Variants in SPAG4 observed in about 807,000 individuals in gnomAD.
The protein encoded by SPAG4 is sperm associated antigen 4.
SPAG4 carries 54 observed loss-of-function variants against 53.9 expected under a neutral mutation model. That is an observed-to-expected ratio of 1.00 (90% confidence interval 0.80 to 1.26). The LOEUF (loss-of-function observed/expected upper bound fraction) is 1.26. SPAG4 is among the 50% of genes most tolerant of loss of function. The pLI is 0.00. For synonymous variants in SPAG4, 246 were observed against 237.4 expected (o/e 1.04, Z -0.33); for missense variants, 548 against 568.6 (o/e 0.96, Z 0.37).
chr20:35,618,954 A>AT lies in SPAG4; in HGVS notation c.750dup (p.Glu251Ter), dbSNP rs1293177142. 6.2e-7 allele frequency: 1 copy of AT among 1,614,196 alleles called. No homozygotes were observed. The highest frequency in any genetic ancestry group is 8.5e-7 in the Non-Finnish European group (1 of 1,180,020). ...GCCAAGCTCGTGTTCCAGAGGCTGA[A>AT]TGAGGATTTTGTGCGGAAGCCCGAC... On this transcript the variant is annotated frameshift_variant, in exon 8 of 12. Transcript: ENST00000374273. LOFTEE classifies it high-confidence loss of function.
Position 35,619,175 on chromosome 20 carries a change from G to T in SPAG4, c.794-20G>T. Reference sequence around the variant, plus strand: ...CGGCAAGGCCTGGGAGCCTCTGAGGGTTACTTCTCACTGTTCCAGGAGCCT... The same window carrying T: ...CGGCAAGGCCTGGGAGCCTCTGAGGTTTACTTCTCACTGTTCCAGGAGCCT... On this transcript the variant is annotated intron_variant, in intron 8 of 11. Transcript: ENST00000374273. The T allele has an allele frequency of 1.9e-6, 3 of 1,596,886 alleles. No homozygotes were observed. In the South Asian group the frequency reaches 3.3e-5, roughly 18 times the overall value.
chr20:35,615,858 G>A lies in SPAG4; in HGVS notation c.-146G>A. On this transcript the variant is annotated 5_prime_UTR_variant, in exon 1 of 12. Transcript: ENST00000374273. ...CGTCAGCAGCCGGCCGGGACACAGCGGGAGGGCAGGTGCGGCCGCGGGGCC... is the reference window on the plus strand; with the variant it reads ...CGTCAGCAGCCGGCCGGGACACAGCAGGAGGGCAGGTGCGGCCGCGGGGCC... The A allele has an allele frequency of 1.5e-6, 1 of 677,726 alleles. No individual in the cohort carries two copies. The highest frequency in any genetic ancestry group is 2.4e-6 in the Non-Finnish European group (1 of 424,380). 42.0% of individuals were successfully genotyped at this position (677,726 alleles called of 1,614,324 possible).
chr20:35,618,613 G>GAGT lies in SPAG4; in HGVS notation c.612_614dup (p.Glu204_Tyr205insTer), dbSNP rs746167611. On this transcript the variant is annotated stop_gained and inframe_insertion and splice_region_variant, in exon 7 of 12. Coordinates refer to ENST00000374273, the MANE Select transcript of SPAG4 (RefSeq NM_003116.3). LOFTEE classifies it high-confidence loss of function. ...ACGGCGCCCACCTCCCACCTCCAGTGAGTACCACGAGCGCGTGCGCTCCCA... is the reference window on the plus strand; with the variant it reads ...ACGGCGCCCACCTCCCACCTCCAGTGAGTAGTACCACGAGCGCGTGCGCTCCCA... 3.1e-6 allele frequency: 5 copies of GAGT among 1,599,534 alleles called. No homozygotes were observed. Among genetic ancestry groups the GAGT allele is most frequent in the Middle Eastern group, 1.7e-4 (1 of 5,730 alleles).
At chr20:35,619,537 G>C (rs766160956) in intron 9 of SPAG4, 42 bp from the exon 10 acceptor site, 3 of 1,595,876 alleles carry the variant, frequency 1.9e-6, no homozygotes, top group South Asian at 2.2e-5. Flanking sequence ...GGCAGCAGTC[G>C]CTCTGTCCGA....
chr20:35,620,633 C>A, intron 10 of SPAG4, 51 bp from the exon 11 acceptor site: 1 of 555,766 alleles, frequency 1.8e-6, no homozygotes, highest in Non-Finnish European at 3.4e-6. Flanking sequence ...CCCGCCCCCC[C>A]CGCCCCACCT....
intron 6 of SPAG4, 56 bp from the exon 7 acceptor site, chr20:35,618,556 G>T (rs1008758832): frequency 1.2e-5 from 19 of 1,600,592 alleles, no homozygotes; most frequent in Non-Finnish European, 1.5e-5. Context: ...GGGGCCTTTG[G>T]GAGGTGTCCA....
chr20:35,619,438 C>T (rs1238669220), intron 9 of SPAG4, 128 bp downstream of exon 9: 2 of 1,372,380 alleles, frequency 1.5e-6, no homozygotes, highest in African/African-American at 1.4e-5. Flanking sequence ...CAAGGAGAGA[C>T]CTGGCATTGC....
In SPAG4 at chr20:35,616,164, G is replaced by A. The variant is rs372632654; in HGVS notation, c.161G>A (p.Gly54Asp). 1 of 1,597,732 alleles carries A rather than the reference G, an allele frequency of 6.3e-7. No homozygotes were observed. Among genetic ancestry groups the A allele is most frequent in the Non-Finnish European group, 8.5e-7 (1 of 1,173,168 alleles). The change falls in exon 1 of 12, where the codon GGC (glycine) becomes GAC (aspartate). Residue 54 changes from glycine (G) to aspartate (D), a missense_variant. Physicochemically the swap from Gly to Asp is moderately conservative, Grantham distance 94 (BLOSUM62 -1). Coordinates refer to ENST00000374273, the MANE Select transcript of SPAG4 (RefSeq NM_003116.3). ...PGEPEGRRAR[G>D]PSCGEPALSA... The stretch of plus-strand genomic sequence containing the variant: ...GAGCCCGAGGGCAGAAGAGCCCGGG[G>A]CCCGAGCTGCGGTGAGCCCGCCTTG...
intron 9 of SPAG4, 50 bp from the exon 10 acceptor site, chr20:35,619,529 C>T: frequency 1.9e-6 from 3 of 1,591,016 alleles, no homozygotes; most frequent in South Asian, 2.3e-5. Flanking sequence ...TGGGGAGCGG[C>T]AGCAGTCGCT....
At chr20:35,616,509 C>A in intron 1 of SPAG4, 1 of 531,782 alleles carries the variant, frequency 1.9e-6, no homozygotes, top group Non-Finnish European at 2.4e-6. Context: ...CGGGGAAAAT[C>A]TTGTGGTTGG....
At position 35,618,130 on chromosome 20, in the gene SPAG4, T is replaced by C; in HGVS notation, c.582T>C (p.Asn194=). 1 of 1,613,508 alleles carries C rather than the reference T, an allele frequency of 6.2e-7. No individual in the cohort carries two copies. Among genetic ancestry groups the C allele is most frequent in the Non-Finnish European group, 8.5e-7 (1 of 1,179,730 alleles). ...GLLYLVSPLE[N]EPKEMLTLSE... ...TGTACCTGGTCTCTCCTTTGGAGAA[T>C]GTGAGTTGGGGAGACTGTCTTGGGG... The change falls in exon 5 of 12, where the codon AAT becomes AAC. Residue 194 remains asparagine, a splice_region_variant and synonymous_variant. Coordinates refer to ENST00000374273, the MANE Select transcript of SPAG4 (RefSeq NM_003116.3).
intron 1 of SPAG4, chr20:35,616,924 C>T: frequency 1.8e-6 from 1 of 570,206 alleles, no homozygotes; most frequent in South Asian, 2.1e-5. Context: ...GCCACCGCGC[C>T]CGGCCAGGAG....
chr20:35,617,067 G>A (rs1349643711), intron 1 of SPAG4, 69 bp from the exon 2 acceptor site: 3 of 1,021,262 alleles, frequency 2.9e-6, no homozygotes, highest in Non-Finnish European at 4.5e-6. Context: ...AGCAATCTGC[G>A]GCCCGGTCTC....
chr20:35,617,638 G>A (rs1163854829), intron 3 of SPAG4, 52 bp downstream of exon 3: 2 of 1,597,788 alleles, frequency 1.3e-6, no homozygotes, highest in African/African-American at 1.3e-5. Context: ...GAGGGGGTGG[G>A]GAGCAGGGCC....
chr20:35,617,752 G>T (rs779139176), intron 3 of SPAG4, 27 bp from the exon 4 acceptor site: 1 of 1,611,318 alleles, frequency 6.2e-7, no homozygotes, highest in Non-Finnish European at 8.5e-7. Context: ...AGCAGGTCGG[G>T]GCCTCAGCCT....
intron 5 of SPAG4, 78 bp downstream of exon 5, chr20:35,618,208 C>A: frequency 7.0e-7 from 1 of 1,425,612 alleles, no homozygotes; most frequent in Non-Finnish European, 9.7e-7. Flanking sequence ...CCTGGACTGT[C>A]GGTCTGCTGG....
Position 35,620,932 on chromosome 20 carries a change from C to T in SPAG4, c.1224C>T (p.Gly408=). ...KVKIQILSNW[G]HPRFTCLYRV... is the part of the protein sequence containing the mutation. ...AGATCCAGATTCTAAGCAACTGGGG[C>T]CACCCCCGTTTCACGTGCTTGTATC... The change falls in exon 12 of 12, where the codon GGC becomes GGT. Residue 408 remains glycine, a synonymous_variant. Coordinates refer to ENST00000374273, the MANE Select transcript of SPAG4 (RefSeq NM_003116.3). 1 of 1,614,206 alleles carries T rather than the reference C, an allele frequency of 6.2e-7. No homozygotes were observed. Among genetic ancestry groups the T allele is most frequent in the Non-Finnish European group, 8.5e-7 (1 of 1,180,028 alleles).
At chr20:35,618,424 CTG>C in intron 5 of SPAG4, 24 bp from the exon 6 acceptor site, 1 of 1,613,862 alleles carries the variant, frequency 6.2e-7, no homozygotes, top group South Asian at 1.1e-5. Context: ...CTGAGCGGCT[CTG>C]TGTTTTGTCC....
At chr20:35,617,609 C>A (rs770575017) in intron 3 of SPAG4, 23 bp downstream of exon 3, 2 of 1,607,398 alleles carry the variant, frequency 1.2e-6, no homozygotes, top group Admixed American at 3.4e-5. Flanking sequence ...GACGCTGGCG[C>A]CCCAGGAACA....
Sources: gnomAD v4.1 joint callset for allele counts on GRCh38, gnomAD v4.1.1 for gene constraint, MANE v1.5 for transcripts, NCBI Gene and HGNC (gene_info 2026-07-23, HGNC 2026-07-21) for gene names.